The following PXDNL variants were observed in gnomAD, a reference collection of about 807,000 sequenced individuals.
PXDNL encodes peroxidasin like.
In PXDNL, 145 loss-of-function variants were observed where a neutral mutation model predicts 150.8. The ratio of observed to expected loss-of-function variants is 0.96; its 90% CI spans 0.84 to 1.10. PXDNL has a LOEUF of 1.10. Among genes scored for constraint, PXDNL ranks in the 50% least tolerant of loss-of-function variants. PXDNL has a pLI of 0.00. For missense variants in PXDNL, 2,087 were observed against 1,873.9 expected (o/e 1.11, Z -2.10); for synonymous variants, 757 against 725.7 (o/e 1.04, Z -0.69).
At position 51,628,861 on chromosome 8, in the gene PXDNL, A is replaced by C. The variant is rs116889816; in HGVS notation, c.236+25828T>G. ...GTAGTTTAGAAAAGTCACTAACAGC[A>C]AACAGCTACAGACCATAGCAAACAA... On this transcript the variant is annotated intron_variant, in intron 2 of 22. Transcript: ENST00000356297. Among the ~76,000 whole-genome samples, 25 of 152,272 alleles carry C rather than the reference A, an allele frequency of 1.6e-4. No homozygotes were observed. The East Asian group carries it at 4.8e-3, about 29-fold the overall frequency.
At chr8:51,472,874 G>A (rs1485459579) in intron 7 of PXDNL, among the ~76,000 whole-genome samples, 2 of 152,122 alleles carry the variant, frequency 1.3e-5, no homozygotes, top group Non-Finnish European at 2.9e-5. Flanking sequence ...AATGAATCAG[G>A]TAGTATTATT....
chr8:51,533,719 G>A (rs1428465423), intron 4 of PXDNL, among the ~76,000 whole-genome samples: 4 of 150,596 alleles, frequency 2.7e-5, no homozygotes, highest in East Asian at 4.0e-4. Context: ...GCTCCTAACC[G>A]CGAGTGATCC....
chr8:51,683,457 A>G (rs1379062597), intron 1 of PXDNL, among the ~76,000 whole-genome samples: 1 of 151,828 alleles, frequency 6.6e-6, no homozygotes, highest in Non-Finnish European at 1.5e-5. Flanking sequence ...ATCTCCTTAT[A>G]TATTTTGGAA....
chr8:51,666,578 C>T lies in PXDNL; in HGVS notation c.165-11818G>A, dbSNP rs189921653. Among the ~76,000 whole-genome samples, 184 of 152,234 alleles carry T rather than the reference C, an allele frequency of 1.2e-3. 1 individual carries two copies. The highest frequency in any genetic ancestry group is 4.2e-3 in the African/African-American group (174 of 41,544). Reference sequence around the variant, plus strand: ...CCATTTGACCTCTCTAATAAATGGGCGTACCAAAGATACCTGTCAACTTTA... The same window carrying T: ...CCATTTGACCTCTCTAATAAATGGGTGTACCAAAGATACCTGTCAACTTTA... On this transcript the variant is annotated intron_variant, in intron 1 of 22. Coordinates refer to ENST00000356297, the MANE Select transcript of PXDNL (RefSeq NM_144651.5).
At chr8:51,719,253 T>C (rs1451327323) in intron 1 of PXDNL, among the ~76,000 whole-genome samples, 1 of 152,212 alleles carries the variant, frequency 6.6e-6, no homozygotes, top group Non-Finnish European at 1.5e-5. Context: ...TGTGTCTGTG[T>C]AGAAAGAAGT....
chr8:51,640,551 A>G (rs1814725372), intron 2 of PXDNL, among the ~76,000 whole-genome samples: 1 of 152,216 alleles, frequency 6.6e-6, no homozygotes, highest in Non-Finnish European at 1.5e-5. Context: ...GCATTCTTAC[A>G]CACCAATAAC....
chr8:51,506,850 G>A (rs1209843069), intron 4 of PXDNL, among the ~76,000 whole-genome samples: 2 of 152,140 alleles, frequency 1.3e-5, no homozygotes, highest in African/African-American at 4.8e-5. Context: ...TCAAGATTGA[G>A]CGCCAACCTG....
At chr8:51,360,438 C>A (rs1276918573) in intron 19 of PXDNL, among the ~76,000 whole-genome samples, 1 of 152,176 alleles carries the variant, frequency 6.6e-6, no homozygotes, top group African/African-American at 2.4e-5. Flanking sequence ...GTGCACATAG[C>A]TATACATGCC....
rs1156735699 is a variant in PXDNL, at chr8:51,668,236, G to A, written c.165-13476C>T. Among the ~76,000 whole-genome samples, 10 of 121,440 alleles carry A rather than the reference G, an allele frequency of 8.2e-5. No individual in the cohort carries two copies. In the East Asian group the frequency reaches 1.6e-3, roughly 19 times the overall value. 79.7% of individuals were successfully genotyped at this position (121,440 alleles called of 152,430 possible). A position where few individuals can be genotyped will look rare whatever the true frequency, so the allele number is the denominator to read the frequency against. On this transcript the variant is annotated intron_variant, in intron 1 of 22. Transcript: ENST00000356297. ...TGTTGCCCAGGCTGCATGCAGTGGC[G>A]CTATCTCAGCTCACTGCATCCTCTG...
At chr8:51,556,593 T>G (rs1812604733) in intron 4 of PXDNL, among the ~76,000 whole-genome samples, 2 of 152,190 alleles carry the variant, frequency 1.3e-5, no homozygotes, top group African/African-American at 4.8e-5. Flanking sequence ...GGAGGGTAAG[T>G]TGCCCAATGT....
At position 51,332,810 on chromosome 8, in the gene PXDNL, G is replaced by C. The variant is rs1586007809; in HGVS notation, c.4146+6814C>G. On this transcript the variant is annotated intron_variant, in intron 21 of 22. Coordinates refer to ENST00000356297, the MANE Select transcript of PXDNL (RefSeq NM_144651.5). ...CAAAGAAAAAAGAATAAGAAAATAT[G>C]AACAAAGCCTCCAATAAGTCTGGGA... Among the ~76,000 whole-genome samples, 3 of 152,238 alleles carry C rather than the reference G, an allele frequency of 2.0e-5. No individual in the cohort carries two copies. In the South Asian group the frequency reaches 6.2e-4, roughly 32 times the overall value.
At chr8:51,473,046 T>C (rs13254318) in intron 7 of PXDNL, among the ~76,000 whole-genome samples, 79,777 of 152,024 alleles carry the variant, frequency 0.52, 24,873 homozygotes, top group Non-Finnish European at 0.69. Context: ...TGTAGAACAT[T>C]CCGTAGATCT....
intron 1 of PXDNL, among the ~76,000 whole-genome samples, chr8:51,735,529 T>G (rs1200325369): frequency 1.5e-5 from 1 of 65,250 alleles, no homozygotes; most frequent in Non-Finnish European, 2.4e-5. Context: ...AAAAATTGTT[T>G]TTTTTTTTTT....
At chr8:51,363,011 T>C (rs1424643401) in intron 19 of PXDNL, among the ~76,000 whole-genome samples, 1 of 152,188 alleles carries the variant, frequency 6.6e-6, no homozygotes, top group African/African-American at 2.4e-5. Context: ...CAGATGGCCA[T>C]AGTGAGGCCT....
Position 51,412,225 on chromosome 8 carries a change from CA to C in PXDNL, c.1905-819del, listed in dbSNP as rs1808673265. ...CTTGAATCTTAACTACTTGAGGTCA[CA>C]GAATAATAATAATGATGCTAATAGT... On this transcript the variant is annotated intron_variant, in intron 15 of 22. Transcript: ENST00000356297. Among the ~76,000 whole-genome samples the C allele has an allele frequency of 2.6e-5, 4 of 152,288 alleles. No homozygotes were observed. In the South Asian group the frequency reaches 8.3e-4, roughly 32 times the overall value.
At chr8:51,590,483 C>T (rs1585603049) in intron 3 of PXDNL, among the ~76,000 whole-genome samples, 1 of 152,112 alleles carries the variant, frequency 6.6e-6, no homozygotes, top group East Asian at 1.9e-4. Context: ...ATGGCTGAGC[C>T]CAGCAAAGAC....
intron 22 of PXDNL, 34 bp downstream of exon 22, chr8:51,320,750 T>C (rs2304552): frequency 1.0e-5 from 15 of 1,485,100 alleles, no homozygotes; most frequent in East Asian, 4.5e-5. Context: ...AGAAGTGAAA[T>C]GGGGAGTTGG....
At chr8:51,335,833 G>A (rs189314422) in intron 21 of PXDNL, among the ~76,000 whole-genome samples, 65 of 152,000 alleles carry the variant, frequency 4.3e-4, no homozygotes, top group Non-Finnish European at 6.6e-4. Context: ...AGAATCAAAC[G>A]AAAAGGGCAA....
chr8:51,698,058 A>G (rs571777041), intron 1 of PXDNL, among the ~76,000 whole-genome samples: 4 of 152,352 alleles, frequency 2.6e-5, no homozygotes, highest in African/African-American at 7.2e-5. Flanking sequence ...CAAGTTCACA[A>G]TAAATTTTGC....
Sources: allele counts gnomAD v4.1 joint callset (sites outside exome capture counted in the v4.1 genomes callset), GRCh38; gene constraint gnomAD v4.1.1; transcripts MANE v1.5; gene names NCBI Gene and HGNC (gene_info 2026-07-23, HGNC 2026-07-21).